The following FGF14 variants were observed in gnomAD, a reference collection of about 807,000 sequenced individuals.
FGF14 encodes fibroblast growth factor homologous factor 4.
FGF14 carries 5 observed loss-of-function variants against 25.5 expected under a neutral mutation model. The observed-to-expected ratio is 0.20, with a 90% CI of 0.10 to 0.41. The LOEUF is 0.41. Ranked by LOEUF, FGF14 falls within the 10% of genes least tolerant of loss-of-function variation. The pLI, the probability that FGF14 is intolerant of heterozygous loss-of-function variation, is 1.00. For synonymous variants in FGF14, 138 were observed against 118.3 expected (o/e 1.17, Z -1.08); for missense variants, 222 against 320.1 (o/e 0.69, Z 2.34).
At position 101,714,518 on chromosome 13, in the gene FGF14, G is replaced by A; in HGVS notation, c.*8313C>T. Reference sequence around the variant, plus strand: ...GGAGTTCTGTGACTGTGATGACAGAGACTGCGACAAACATGATGGTCTCAT... The same window carrying A: ...GGAGTTCTGTGACTGTGATGACAGAAACTGCGACAAACATGATGGTCTCAT... On this transcript the variant is annotated 3_prime_UTR_variant, in exon 5 of 5. Coordinates refer to ENST00000376143, the MANE Select transcript of FGF14 (RefSeq NM_004115.4). 6.2e-7 allele frequency: 1 copy of A among 1,609,900 alleles called. No individual in the cohort carries two copies. Among genetic ancestry groups the A allele is most frequent in the Non-Finnish European group, 8.5e-7 (1 of 1,176,184 alleles).
chr13:101,743,197 A>G (rs1433747135), intron 3 of FGF14, among the ~76,000 whole-genome samples: 1 of 152,204 alleles, frequency 6.6e-6, no homozygotes, highest in Non-Finnish European at 1.5e-5. Flanking sequence ...TCACAGGCAT[A>G]TCTTTAACCT....
intron 1 of FGF14, among the ~76,000 whole-genome samples, chr13:101,913,050 T>G (rs2033112279): frequency 1.3e-5 from 2 of 152,224 alleles, no homozygotes; most frequent in Admixed American, 1.3e-4. Flanking sequence ...CACAGGAGAA[T>G]TATTTTTAAT....
rs55676818 is a variant in FGF14 at position 101,898,341 on chromosome 13, A to AACACACACACACACACACAC, written c.193+18092_193+18111dup. On this transcript the variant is annotated intron_variant, in intron 1 of 4. Coordinates refer to ENST00000376143, the MANE Select transcript of FGF14 (RefSeq NM_004115.4). ...ACCTGTATAAAGGCATGAAACATAC[A>AACACACACACACACACACAC]ACACACACACACACACACACACACA... Among the ~76,000 whole-genome samples, 166 of 144,468 alleles carry AACACACACACACACACACAC rather than the reference A, an allele frequency of 1.1e-3. 1 individual carries two copies. Among genetic ancestry groups the AACACACACACACACACACAC allele is most frequent in the African/African-American group, 3.9e-3 (150 of 38,540 alleles). 94.8% of individuals were successfully genotyped at this position (144,468 alleles called of 152,430 possible). A position where few individuals can be genotyped will look rare whatever the true frequency, so the allele number is the denominator to read the frequency against.
At chr13:101,783,649 T>C (rs1482342200) in intron 3 of FGF14, among the ~76,000 whole-genome samples, 1 of 152,194 alleles carries the variant, frequency 6.6e-6, no homozygotes, top group African/African-American at 2.4e-5. Context: ...TAATAGTTTC[T>C]TTTGCTGTGC....
chr13:102,207,624 TAAAAAAA>T (rs35568335), intron 1 of FGF14, among the ~76,000 whole-genome samples: 3 of 92,486 alleles, frequency 3.2e-5, no homozygotes, highest in African/African-American at 1.3e-4. Context: ...CAGTTTTCAT[TAAAAAAA>T]AAAAAAAAAA....
intron 1 of FGF14, among the ~76,000 whole-genome samples, chr13:102,046,584 T>C (rs1157355581): frequency 1.3e-5 from 2 of 152,222 alleles, no homozygotes; most frequent in Non-Finnish European, 2.9e-5. Context: ...TCTGTTAAAC[T>C]ACCATTTTGC....
intron 1 of FGF14, among the ~76,000 whole-genome samples, chr13:102,040,142 G>A (rs1202804021): frequency 6.6e-6 from 1 of 151,974 alleles, no homozygotes; most frequent in South Asian, 2.1e-4. Context: ...TGTGATCTCT[G>A]TGAAGATCAC....
intron 1 of FGF14, among the ~76,000 whole-genome samples, chr13:102,219,317 A>C (rs2140950037): frequency 6.6e-6 from 1 of 152,110 alleles, no homozygotes; most frequent in East Asian, 1.9e-4. Flanking sequence ...ATGGAGGTGC[A>C]TTTTCTTGCC....
At chr13:102,266,316 A>T (rs2052990733) in intron 1 of FGF14, among the ~76,000 whole-genome samples, 1 of 152,152 alleles carries the variant, frequency 6.6e-6, no homozygotes. Context: ...AGTTAGATGG[A>T]GTTAGAAGAG....
chr13:102,094,676 G>A (rs1269835020), intron 1 of FGF14, among the ~76,000 whole-genome samples: 3 of 152,232 alleles, frequency 2.0e-5, no homozygotes, highest in Admixed American at 6.5e-5. Flanking sequence ...GAAGGGAAAA[G>A]GTAAACAGCA....
intron 1 of FGF14, among the ~76,000 whole-genome samples, chr13:102,216,263 C>T (rs756201640): frequency 2.0e-4 from 31 of 152,166 alleles, no homozygotes; most frequent in Non-Finnish European, 4.4e-4. Flanking sequence ...AAAGCCACAT[C>T]ATTCTACCAG....
At chr13:101,792,673 G>A (rs1299799822) in intron 3 of FGF14, among the ~76,000 whole-genome samples, 1 of 151,990 alleles carries the variant, frequency 6.6e-6, no homozygotes, top group Non-Finnish European at 1.5e-5. Context: ...TATTTTCTTT[G>A]CCCCTCATGC....
intron 1 of FGF14, among the ~76,000 whole-genome samples, chr13:102,050,382 C>T (rs2140049854): frequency 6.6e-6 from 1 of 152,240 alleles, no homozygotes; most frequent in East Asian, 1.9e-4. Flanking sequence ...TGGTCATCAT[C>T]TCTTCCATCA....
At chr13:102,151,744 C>T (rs753820606) in intron 1 of FGF14, among the ~76,000 whole-genome samples, 1 of 152,230 alleles carries the variant, frequency 6.6e-6, no homozygotes, top group Non-Finnish European at 1.5e-5. Flanking sequence ...TCAGGTGATC[C>T]ACCTCAGCCT....
chr13:102,148,076 C>A (rs1035097594), intron 1 of FGF14, among the ~76,000 whole-genome samples: 1 of 152,016 alleles, frequency 6.6e-6, no homozygotes, highest in Non-Finnish European at 1.5e-5. Flanking sequence ...CATAGAGCCT[C>A]CAAGGCTATA....
chr13:102,151,315 C>T (rs1300188376), intron 1 of FGF14, among the ~76,000 whole-genome samples: 2 of 152,136 alleles, frequency 1.3e-5, no homozygotes, highest in Admixed American at 6.6e-5. Flanking sequence ...GGGTATCCAG[C>T]GTACCCCAAG....
chr13:102,378,170 C>G (rs2058084310), intron 1 of FGF14, among the ~76,000 whole-genome samples: 4 of 152,062 alleles, frequency 2.6e-5, no homozygotes, highest in Admixed American at 2.6e-4. Flanking sequence ...CACACAACAC[C>G]AGGAGTGAAC....
chr13:102,101,704 C>T (rs528059410), intron 1 of FGF14, among the ~76,000 whole-genome samples: 1 of 151,704 alleles, frequency 6.6e-6, no homozygotes, highest in South Asian at 2.1e-4. Context: ...CAGTTCCCCC[C>T]AACTTTTTTT....
chr13:102,113,685 G>A (rs1223495618), intron 1 of FGF14, among the ~76,000 whole-genome samples: 1 of 152,150 alleles, frequency 6.6e-6, no homozygotes, highest in Non-Finnish European at 1.5e-5. Context: ...CTGCTGTGTA[G>A]CTACATTTGA....
Sources: gnomAD v4.1 joint callset for allele counts (sites outside exome capture counted in the v4.1 genomes callset) on GRCh38, gnomAD v4.1.1 for gene constraint, MANE v1.5 for transcripts, NCBI Gene and HGNC (gene_info 2026-07-23, HGNC 2026-07-21) for gene names.